Variants in COL25A1 observed in about 807,000 individuals in gnomAD.
The protein encoded by COL25A1 is collagen alpha-1(XXV) chain.
A neutral mutation model predicts 128.4 loss-of-function variants in COL25A1; 103 were observed. The observed-to-expected ratio is 0.80, with a 90% confidence interval of 0.68 to 0.94. COL25A1 has a LOEUF of 0.94. Ranked by LOEUF, COL25A1 falls within the 40% of genes least tolerant of loss-of-function variation. The pLI is 0.00. For missense variants in COL25A1, 745 were observed against 840.0 expected, an observed-to-expected ratio of 0.89 and a Z score of 1.40; for synonymous variants, 279 against 277.2, an observed-to-expected ratio of 1.01 and a Z score of -0.06.
chr4:109,223,353 C>T (rs1384083415), intron 3 of COL25A1, among the ~76,000 whole-genome samples: 2 of 152,038 alleles, frequency 1.3e-5, no homozygotes, highest in Admixed American at 1.3e-4. Context: ...AGTTGGGATG[C>T]ATTTTTACAT....
At chr4:109,229,191 T>C (rs1779002141) in intron 3 of COL25A1, among the ~76,000 whole-genome samples, 1 of 152,204 alleles carries the variant, frequency 6.6e-6, no homozygotes, top group Non-Finnish European at 1.5e-5. Flanking sequence ...ATTTGTAAGG[T>C]CTTCCTGATT....
intron 19 of COL25A1, among the ~76,000 whole-genome samples, chr4:108,875,059 G>A (rs1179280523): frequency 6.6e-6 from 1 of 152,160 alleles, no homozygotes; most frequent in Non-Finnish European, 1.5e-5. Flanking sequence ...TTGGTGCTGA[G>A]GATAGATAGT....
intron 3 of COL25A1, among the ~76,000 whole-genome samples, chr4:109,118,485 C>T (rs1767813045): frequency 6.6e-6 from 1 of 151,806 alleles, no homozygotes; most frequent in Non-Finnish European, 1.5e-5. Context: ...ATAATTATTA[C>T]TTGTCAATTA....
At chr4:109,273,639 T>C (rs1334996667) in intron 3 of COL25A1, among the ~76,000 whole-genome samples, 2 of 152,184 alleles carry the variant, frequency 1.3e-5, no homozygotes, top group African/African-American at 4.8e-5. Context: ...TTATCAAAAG[T>C]ACTAAAGACC....
At chr4:108,858,514 T>C (rs1736782232) in intron 24 of COL25A1, among the ~76,000 whole-genome samples, 1 of 152,180 alleles carries the variant, frequency 6.6e-6, no homozygotes, top group African/African-American at 2.4e-5. Flanking sequence ...AGATTCATGG[T>C]ATCACTAACA....
Position 108,809,017 on chromosome 4 carries a change from T to C in COL25A1, c.*4910A>G, listed in dbSNP as rs912844017. ...TGGAGAAATTACAAGGAAATTAAAA[T>C]AAAAATTGAACAGGGAGAATTCAAT... On this transcript the variant is annotated 3_prime_UTR_variant, in exon 38 of 38. Transcript: ENST00000399132. 1 of 152,090 alleles carries C rather than the reference T, an allele frequency of 6.6e-6. No individual in the cohort carries two copies. Among genetic ancestry groups the C allele is most frequent in the South Asian group, 2.1e-4 (1 of 4,830 alleles). The allele number at this position is 152,090 out of a possible 1,614,324, so 9.4% of individuals were successfully genotyped here.
Position 108,889,735 on chromosome 4 carries a change from T to C in COL25A1, c.907-2A>G, listed in dbSNP as rs748027220. ...TGCAGCAGATGATCCAGGGTCACCC[T>C]AAAACGAAACCCAGGAGAGATTATC... On this transcript the variant is annotated splice_acceptor_variant, in intron 16 of 37. Coordinates refer to ENST00000399132, the MANE Select transcript of COL25A1 (RefSeq NM_198721.4). LOFTEE classifies it high-confidence loss of function. The C allele has an allele frequency of 6.2e-7, 1 of 1,613,266 alleles. No individual in the cohort carries two copies. The highest frequency in any genetic ancestry group is 1.1e-5 in the South Asian group (1 of 91,070).
At chr4:109,287,552 T>C (rs1724009842) in intron 3 of COL25A1, among the ~76,000 whole-genome samples, 1 of 152,148 alleles carries the variant, frequency 6.6e-6, no homozygotes, top group Non-Finnish European at 1.5e-5. Context: ...CTCTACCTAG[T>C]AGTAGGAGAC....
chr4:109,254,818 T>C (rs879899839), intron 3 of COL25A1, among the ~76,000 whole-genome samples: 2 of 152,074 alleles, frequency 1.3e-5, no homozygotes, highest in Non-Finnish European at 2.9e-5. Context: ...TTGACAGGGT[T>C]TTCAAACCAA....
intron 3 of COL25A1, among the ~76,000 whole-genome samples, chr4:109,130,081 G>C (rs971292083): frequency 3.3e-5 from 5 of 150,444 alleles, no homozygotes; most frequent in South Asian, 4.2e-4. Flanking sequence ...GCTTAACAAA[G>C]CAATTAGTAA....
At chr4:109,094,871 AAAAGT>A (rs1267681277) in intron 3 of COL25A1, among the ~76,000 whole-genome samples, 1 of 152,214 alleles carries the variant, frequency 6.6e-6, no homozygotes, top group African/African-American at 2.4e-5. Context: ...CAAAACTACA[AAAAGT>A]AAAGCAAAGC....
Position 108,824,211 on chromosome 4 carries a change from C to T in COL25A1, c.1808G>A (p.Arg603Gln), listed in dbSNP as rs775839366. The change falls in exon 35 of 38, where the codon CGG becomes CAG. Residue 603 changes from arginine to glutamine, a missense_variant. Physicochemically the swap from Arg to Gln is conservative, Grantham distance 43. Coordinates refer to ENST00000399132, the MANE Select transcript of COL25A1 (RefSeq NM_198721.4). ...TTCTCCTAGATCACCCTTCTCACCCCGTGGACCAGGGAAGCCCTGTAAGAT... is the reference window on the plus strand; with the variant it reads ...TTCTCCTAGATCACCCTTCTCACCCTGTGGACCAGGGAAGCCCTGTAAGAT... ...EPGLDGFPGPRGEKGDLGEKG... is the reference protein window; with the variant it reads ...EPGLDGFPGPQGEKGDLGEKG... 8.7e-6 allele frequency: 14 copies of T among 1,613,138 alleles called. No homozygotes were observed. The highest frequency in any genetic ancestry group is 3.3e-5 in the Admixed American group (2 of 59,818).
chr4:108,827,311 C>A lies in COL25A1; in HGVS notation c.1711-123G>T, dbSNP rs1429473225. ...TTCTATGAAAATCTCAAAGATTTAG[C>A]CTCTTGCAGAGTCACTGCCAGTGAT... On this transcript the variant is annotated intron_variant, in intron 32 of 37. Transcript: ENST00000399132. The A allele has an allele frequency of 4.7e-6, 4 of 844,398 alleles. No individual in the cohort carries two copies. The East Asian group carries it at 7.8e-5, about 16-fold the overall frequency. The allele number at this position is 844,398 out of a possible 1,614,324, so 52.3% of individuals were successfully genotyped here. A position where few individuals can be genotyped will look rare whatever the true frequency, so the allele number is the denominator to read the frequency against.
intron 11 of COL25A1, among the ~76,000 whole-genome samples, chr4:108,927,847 C>T (rs1746249860): frequency 1.3e-5 from 2 of 152,096 alleles, no homozygotes; most frequent in East Asian, 3.9e-4. Context: ...TTTCTCACCA[C>T]TTGACAAAAC....
intron 3 of COL25A1, among the ~76,000 whole-genome samples, chr4:109,284,495 C>T (rs745677929): frequency 6.6e-6 from 1 of 152,230 alleles, no homozygotes; most frequent in East Asian, 1.9e-4. Context: ...CTGCAATGCA[C>T]GGAAGACAAT....
intron 3 of COL25A1, among the ~76,000 whole-genome samples, chr4:109,136,588 C>T (rs2126077750): frequency 6.6e-6 from 1 of 152,258 alleles, no homozygotes; most frequent in Non-Finnish European, 1.5e-5. Flanking sequence ...GAAGAATGTC[C>T]CATTGCTTGG....
chr4:109,139,829 C>T (rs1384614194), intron 3 of COL25A1, among the ~76,000 whole-genome samples: 4 of 151,628 alleles, frequency 2.6e-5, no homozygotes, highest in African/African-American at 4.8e-5. Flanking sequence ...CCCCTCCCCC[C>T]GACCCCACAA....
intron 8 of COL25A1, among the ~76,000 whole-genome samples, chr4:108,954,435 A>C (rs541634610): frequency 6.6e-6 from 1 of 152,154 alleles, no homozygotes; most frequent in South Asian, 2.1e-4. Flanking sequence ...CATATAATTT[A>C]CTCGAAATAA....
At chr4:109,095,811 G>C (rs981115243) in intron 3 of COL25A1, among the ~76,000 whole-genome samples, 4 of 152,210 alleles carry the variant, frequency 2.6e-5, no homozygotes, top group Non-Finnish European at 5.9e-5. Flanking sequence ...GCACTTATAT[G>C]GAAAAGTGAG....
Sources: gnomAD v4.1 joint callset for allele counts (sites outside exome capture counted in the v4.1 genomes callset) on GRCh38, gnomAD v4.1.1 for gene constraint, MANE v1.5 for transcripts, NCBI Gene and HGNC (gene_info 2026-07-23, HGNC 2026-07-21) for gene names.